ADAMTSL1: variants seen among roughly 807,000 people sequenced by gnomAD.
ADAMTSL1 encodes the protein ADAMTS like 1.
In ADAMTSL1, 126 loss-of-function variants were observed where a neutral mutation model predicts 201.8. The observed-to-expected ratio is 0.62, with a 90% CI of 0.54 to 0.72. The LOEUF is 0.72. Ranked by LOEUF, ADAMTSL1 falls within the 30% of genes least tolerant of loss-of-function variation. ADAMTSL1 has a pLI of 0.00. For synonymous variants in ADAMTSL1, 1,121 were observed against 903.4 expected (o/e 1.24, Z -4.32); for missense variants, 2,679 against 2,277.8 (o/e 1.18, Z -3.59).
chr9:18,421,361 A>C (rs1264862950), intron 2 of ADAMTSL1, among the ~76,000 whole-genome samples: 1 of 152,110 alleles, frequency 6.6e-6, no homozygotes, highest in Non-Finnish European at 1.5e-5. Context: ...AGTTCTTACA[A>C]GTTATTATCA....
At chr9:18,605,509 G>C (rs1824953680) in intron 4 of ADAMTSL1, among the ~76,000 whole-genome samples, 1 of 152,186 alleles carries the variant, frequency 6.6e-6, no homozygotes, top group Admixed American at 6.5e-5. Flanking sequence ...TTTAAGGCAA[G>C]AGCATGTTTG....
At chr9:18,882,685 C>T (rs1219114956) in intron 23 of ADAMTSL1, among the ~76,000 whole-genome samples, 1 of 152,096 alleles carries the variant, frequency 6.6e-6, no homozygotes, top group Admixed American at 6.5e-5. Context: ...ACTGCTTCTC[C>T]TGAGTACCTT....
At chr9:18,361,312 C>T (rs1163229758) in intron 2 of ADAMTSL1, among the ~76,000 whole-genome samples, 2 of 152,144 alleles carry the variant, frequency 1.3e-5, no homozygotes, top group Admixed American at 1.3e-4. Context: ...TTATTCAACT[C>T]CTAAAATAAC....
chr9:18,780,697 T>C (rs1343147274), intron 19 of ADAMTSL1, among the ~76,000 whole-genome samples: 1 of 152,198 alleles, frequency 6.6e-6, no homozygotes, highest in Non-Finnish European at 1.5e-5. Context: ...AAAAAGCATA[T>C]ATGCACACAT....
chr9:18,684,645 T>A (rs1587892153), intron 12 of ADAMTSL1, 71 bp from the exon 13 acceptor site: 3 of 1,513,912 alleles, frequency 2.0e-6, no homozygotes, highest in South Asian at 2.6e-5. Flanking sequence ...GTGAGGAGAA[T>A]AAGGAATTTT....
At chr9:18,677,766 C>A (rs548204206) in intron 10 of ADAMTSL1, among the ~76,000 whole-genome samples, 2 of 152,048 alleles carry the variant, frequency 1.3e-5, no homozygotes, top group Non-Finnish European at 1.5e-5. Context: ...CTTGTATACA[C>A]TCTTGGCATG....
chr9:18,152,473 A>G (rs140420716), intron 1 of ADAMTSL1, among the ~76,000 whole-genome samples: 10 of 152,166 alleles, frequency 6.6e-5, no homozygotes, highest in African/African-American at 2.2e-4. Flanking sequence ...AGCTTAAAAG[A>G]ATTGCAGGGC....
intron 1 of ADAMTSL1, among the ~76,000 whole-genome samples, chr9:18,017,057 C>G (rs1010611802): frequency 6.6e-6 from 1 of 152,040 alleles, no homozygotes; most frequent in Non-Finnish European, 1.5e-5. Context: ...CAGGCATGGA[C>G]TCAAACTTTT....
At chr9:18,529,798 A>G (rs13300504) in intron 2 of ADAMTSL1, among the ~76,000 whole-genome samples, 1 of 152,300 alleles carries the variant, frequency 6.6e-6, no homozygotes, top group African/African-American at 2.4e-5. Context: ...CAAAAAAGTA[A>G]TATATTAAAG....
chr9:18,849,514 G>C (rs749922137), intron 23 of ADAMTSL1, among the ~76,000 whole-genome samples: 1 of 152,198 alleles, frequency 6.6e-6, no homozygotes, highest in Non-Finnish European at 1.5e-5. Context: ...AGCAAGTTCT[G>C]ATGGTCAAAG....
intron 19 of ADAMTSL1, among the ~76,000 whole-genome samples, chr9:18,794,278 G>A (rs1822231563): frequency 6.6e-6 from 1 of 151,984 alleles, no homozygotes; most frequent in African/African-American, 2.4e-5. Flanking sequence ...GAATGGTAGT[G>A]CACCCCTGTG....
At chr9:17,914,458 A>G (rs1483826822) in intron 1 of ADAMTSL1, among the ~76,000 whole-genome samples, 9 of 152,220 alleles carry the variant, frequency 5.9e-5, no homozygotes, top group African/African-American at 2.2e-4. Flanking sequence ...AAGGCCTTTG[A>G]CAAAATTCAG....
At chr9:18,763,821 T>C (rs921557918) in intron 16 of ADAMTSL1, among the ~76,000 whole-genome samples, 7 of 152,212 alleles carry the variant, frequency 4.6e-5, no homozygotes, top group African/African-American at 1.7e-4. Flanking sequence ...TTCTGGGTTC[T>C]CTATTCTATT....
At chr9:18,243,320 C>T (rs1174942447) in intron 2 of ADAMTSL1, among the ~76,000 whole-genome samples, 1 of 152,120 alleles carries the variant, frequency 6.6e-6, no homozygotes, top group African/African-American at 2.4e-5. Flanking sequence ...TCCTTCTTCT[C>T]TTGCCCTTTC....
intron 15 of ADAMTSL1, among the ~76,000 whole-genome samples, chr9:18,742,123 A>C (rs553064635): frequency 1.8e-4 from 28 of 152,284 alleles, no homozygotes; most frequent in African/African-American, 6.3e-4. Flanking sequence ...ATTAGGATCC[A>C]CCCTAGTGAC....
intron 1 of ADAMTSL1, among the ~76,000 whole-genome samples, chr9:18,020,670 T>C (rs562224630): frequency 1.5e-4 from 23 of 152,162 alleles, no homozygotes; most frequent in Non-Finnish European, 2.5e-4. Flanking sequence ...GCCTGGGGAT[T>C]ACAATTCAAG....
intron 23 of ADAMTSL1, among the ~76,000 whole-genome samples, chr9:18,864,427 C>A (rs570516382): frequency 7.6e-4 from 115 of 152,316 alleles, no homozygotes; most frequent in African/African-American, 2.7e-3. Context: ...ATCTATCCTA[C>A]AAGGAAGCCC....
At chr9:17,936,285 A>T (rs1243714718) in intron 1 of ADAMTSL1, among the ~76,000 whole-genome samples, 5 of 152,068 alleles carry the variant, frequency 3.3e-5, no homozygotes, top group Non-Finnish European at 7.4e-5. Context: ...TTATGCTTTA[A>T]AAAAAATCAC....
chr9:18,396,403 TA>T (rs1817754516), intron 2 of ADAMTSL1, among the ~76,000 whole-genome samples: 2 of 151,518 alleles, frequency 1.3e-5, no homozygotes, highest in African/African-American at 4.8e-5. Flanking sequence ...GTTTTTATGT[TA>T]ATATTATTTT....
Sources: gnomAD v4.1 joint callset for allele counts (sites outside exome capture counted in the v4.1 genomes callset) on GRCh38, gnomAD v4.1.1 for gene constraint, MANE v1.5 for transcripts, NCBI Gene and HGNC (gene_info 2026-07-23, HGNC 2026-07-21) for gene names.